Variants in DLEU7 observed in about 807,000 individuals in gnomAD.
The protein encoded by DLEU7 is leukemia-associated protein 7.
A neutral mutation model predicts 16.0 loss-of-function variants in DLEU7; 17 were observed. That is an observed-to-expected ratio of 1.06 (90% CI 0.73 to 1.59). DLEU7 has a LOEUF of 1.59. DLEU7 is among the 40% of genes most tolerant of loss of function. DLEU7 has a pLI of 0.00. For synonymous variants in DLEU7, 113 were observed against 139.8 expected (o/e 0.81, Z 1.35); for missense variants, 308 against 314.9 (o/e 0.98, Z 0.17).
chr13:50,842,492 T>C (rs1352633108), intron 1 of DLEU7, among the ~76,000 whole-genome samples: 1 of 152,232 alleles, frequency 6.6e-6, no homozygotes, highest in Non-Finnish European at 1.5e-5. Context: ...GGGAGACAGC[T>C]GCTCCCTTCC....
chr13:50,789,858 TAAACTG>T (rs1455231567), intron 1 of DLEU7, among the ~76,000 whole-genome samples: 1 of 152,188 alleles, frequency 6.6e-6, no homozygotes, highest in Non-Finnish European at 1.5e-5. Context: ...TCTGATCAGG[TAAACTG>T]AAACTAAACA....
chr13:50,832,840 G>C (rs1289060212), intron 1 of DLEU7, among the ~76,000 whole-genome samples: 5 of 152,184 alleles, frequency 3.3e-5, no homozygotes, highest in African/African-American at 1.2e-4. Context: ...ACTGTGGTCT[G>C]AGAGACTGTT....
At chr13:50,774,513 C>A (rs1027666479) in intron 1 of DLEU7, among the ~76,000 whole-genome samples, 1 of 152,104 alleles carries the variant, frequency 6.6e-6, no homozygotes, top group Non-Finnish European at 1.5e-5. Flanking sequence ...TGTCTTCTTT[C>A]GATGCTTTTA....
intron 1 of DLEU7, chr13:50,840,202 GA>G (rs1877602544): frequency 2.0e-5 from 3 of 152,256 alleles, no homozygotes; most frequent in African/African-American, 7.2e-5. Flanking sequence ...AAGGATTTCT[GA>G]AACCATTCTA....
intron 1 of DLEU7, among the ~76,000 whole-genome samples, chr13:50,795,166 A>G (rs2137776942): frequency 6.6e-6 from 1 of 152,302 alleles, no homozygotes; most frequent in East Asian, 1.9e-4. Context: ...TAGGAGATCT[A>G]TAAGTGCTTT....
rs771770695 is a variant in DLEU7 at position 50,843,684 on chromosome 13, T to G, written c.-38A>C. The G allele has an allele frequency of 1.2e-4, 184 of 1,495,568 alleles. 1 individual carries two copies. The highest frequency in any genetic ancestry group is 7.0e-4 in the Middle Eastern group (3 of 4,264). The allele number at this position is 1,495,568 out of a possible 1,614,324, so 92.6% of individuals were successfully genotyped here. On this transcript the variant is annotated 5_prime_UTR_variant, in exon 1 of 2. Transcript: ENST00000504404. The surrounding 1 kb of genome is among the most constrained non-coding windows in gnomAD (Gnocchi z 5.7). ...CGGCCCGGCGCGCTCCGCGTGCAGGTGGAGCAGCAGCGAGGGAGGCGGGGG... is the reference window on the plus strand; with the variant it reads ...CGGCCCGGCGCGCTCCGCGTGCAGGGGGAGCAGCAGCGAGGGAGGCGGGGG...
At chr13:50,723,899 T>C (rs1024555219) in intron 1 of DLEU7, among the ~76,000 whole-genome samples, 1 of 151,968 alleles carries the variant, frequency 6.6e-6, no homozygotes, top group Non-Finnish European at 1.5e-5. Context: ...TGTATACTTG[T>C]ATAGTTGAAA....
intron 1 of DLEU7, among the ~76,000 whole-genome samples, chr13:50,764,026 G>A (rs1453426753): frequency 2.0e-5 from 3 of 152,164 alleles, no homozygotes; most frequent in African/African-American, 4.8e-5. Flanking sequence ...TTATAGTCCC[G>A]CACTGCATTT....
chr13:50,745,437 G>A (rs900062687), intron 1 of DLEU7, among the ~76,000 whole-genome samples: 1 of 152,110 alleles, frequency 6.6e-6, no homozygotes, highest in Non-Finnish European at 1.5e-5. Flanking sequence ...GTGTTTAACG[G>A]GTACAGAGTT....
intron 1 of DLEU7, among the ~76,000 whole-genome samples, chr13:50,759,876 G>C: frequency 6.6e-6 from 1 of 152,156 alleles, no homozygotes; most frequent in Admixed American, 6.5e-5. Context: ...CTGGAGCCCA[G>C]TCCTGCAAAT....
intron 1 of DLEU7, among the ~76,000 whole-genome samples, chr13:50,729,647 G>A (rs1566231579): frequency 6.6e-6 from 1 of 152,180 alleles, no homozygotes; most frequent in Non-Finnish European, 1.5e-5. Context: ...ATAATACAGT[G>A]TGTAAGCAGA....
At chr13:50,778,631 C>G (rs772365174) in intron 1 of DLEU7, among the ~76,000 whole-genome samples, 1 of 152,210 alleles carries the variant, frequency 6.6e-6, no homozygotes, top group Non-Finnish European at 1.5e-5. Flanking sequence ...GAAAAACATT[C>G]TTTGTATCAG....
chr13:50,734,358 G>A (rs923193756), intron 1 of DLEU7, among the ~76,000 whole-genome samples: 2 of 152,144 alleles, frequency 1.3e-5, no homozygotes, highest in African/African-American at 4.8e-5. Context: ...CAATAAGGCT[G>A]CTTTCCACCT....
intron 1 of DLEU7, among the ~76,000 whole-genome samples, chr13:50,823,779 A>T (rs1876995343): frequency 6.6e-6 from 1 of 152,238 alleles, no homozygotes; most frequent in African/African-American, 2.4e-5. Context: ...CCACAGGCCC[A>T]GAATATCTGC....
chr13:50,734,126 A>G (rs1219056584), intron 1 of DLEU7, among the ~76,000 whole-genome samples: 1 of 152,214 alleles, frequency 6.6e-6, no homozygotes, highest in Non-Finnish European at 1.5e-5. Context: ...TTTCTTTTGC[A>G]CTAGGCTCCG....
At position 50,756,292 on chromosome 13, in the gene DLEU7, C is replaced by T. The variant is rs747834627; in HGVS notation, c.460-43052G>A. ...CCCTAGAACTCCCAAGAGTATACGC[C>T]CTTTGTCTTCAGCTGCCAGAGTGAA... On this transcript the variant is annotated intron_variant, in intron 1 of 1. Transcript: ENST00000400393. 7.5e-4 allele frequency among the ~76,000 whole-genome samples: 114 copies of T among 152,054 alleles called. 1 individual carries two copies. The highest frequency in any genetic ancestry group is 5.3e-4 in the Non-Finnish European group (36 of 68,004).
At chr13:50,806,898 G>A (rs576126186) in intron 1 of DLEU7, among the ~76,000 whole-genome samples, 2 of 146,522 alleles carry the variant, frequency 1.4e-5, no homozygotes, top group Middle Eastern at 3.6e-3. Flanking sequence ...AGCAGAGATC[G>A]CACCATTGCA....
intron 1 of DLEU7, among the ~76,000 whole-genome samples, chr13:50,747,058 G>T (rs80186551): frequency 0.01 from 1,580 of 152,142 alleles, 31 homozygotes; most frequent in African/African-American, 0.036. Context: ...TAACCAAAAG[G>T]TAATGATAAT....
In DLEU7 at chr13:50,749,648, G is replaced by A. The variant is rs149321577; in HGVS notation, c.460-36408C>T. Among the ~76,000 whole-genome samples, 822 of 152,210 alleles carry A rather than the reference G, an allele frequency of 5.4e-3. 7 individuals are homozygous for A. The highest frequency in any genetic ancestry group is 0.019 in the African/African-American group (783 of 41,530). On this transcript the variant is annotated intron_variant, in intron 1 of 1. Coordinates refer to the DLEU7 transcript ENST00000400393. ...TGGCCATTCTTGCAGGAGTAAGGTG[G>A]TATCACATTGTGGTTTTGATTTGCA... is the stretch of plus-strand genomic sequence containing the variant.
Sources: allele counts gnomAD v4.1 joint callset (sites outside exome capture counted in the v4.1 genomes callset), GRCh38; gene constraint gnomAD v4.1.1; non-coding constraint Gnocchi (gnomAD v3.1); transcripts MANE v1.5; gene names NCBI Gene and HGNC (gene_info 2026-07-23, HGNC 2026-07-21).